The following LDLRAD4 variants were observed in gnomAD, a reference collection of about 807,000 sequenced individuals.
LDLRAD4 encodes low density lipoprotein receptor class A domain containing 4, also known as low-density lipoprotein receptor class A domain-containing protein 4.
LDLRAD4 carries 5 observed loss-of-function variants against 17.0 expected under a neutral mutation model. That is an observed-to-expected ratio of 0.29 (90% confidence interval 0.15 to 0.62). LDLRAD4 has a LOEUF of 0.62. Ranked by LOEUF, LDLRAD4 falls within the 20% of genes least tolerant of loss-of-function variation. The pLI is 0.84. For missense variants in LDLRAD4, 340 were observed against 424.7 expected (o/e 0.80, Z 1.75); for synonymous variants, 168 against 171.8 (o/e 0.98, Z 0.17).
intron 1 of LDLRAD4, among the ~76,000 whole-genome samples, chr18:13,299,820 G>A (rs995283403): frequency 6.6e-6 from 1 of 152,102 alleles, no homozygotes; most frequent in African/African-American, 2.4e-5. Context: ...TCCAGCCTGG[G>A]CGATAGAGCA....
chr18:13,504,983 C>T (rs1251566423), intron 3 of LDLRAD4, among the ~76,000 whole-genome samples: 1 of 152,120 alleles, frequency 6.6e-6, no homozygotes, highest in African/African-American at 2.4e-5. Context: ...ACCTGGAATC[C>T]AGCACTGCCA....
intron 3 of LDLRAD4, among the ~76,000 whole-genome samples, chr18:13,479,012 C>T (rs889041433): frequency 1.3e-5 from 2 of 152,272 alleles, no homozygotes; most frequent in Admixed American, 6.5e-5. Flanking sequence ...AAAGGTAATA[C>T]GGTGGAGGCA....
chr18:13,367,927 C>G lies in LDLRAD4; in HGVS notation c.-382-19414C>G, dbSNP rs2084185236. ...GTCACAGCTACTCAGGAGGCTGAGG[C>G]AGGAGTTTTGCTTGAGCCTGAGAAG... On this transcript the variant is annotated intron_variant, in intron 1 of 5. Transcript: ENST00000359446. This position sits in a 1 kb window ranked among gnomAD's most constrained non-coding sequence, Gnocchi z 4.1. Among the ~76,000 whole-genome samples the G allele has an allele frequency of 1.3e-5, 2 of 151,966 alleles. No homozygotes were observed. Among genetic ancestry groups the G allele is most frequent in the Admixed American group, 6.6e-5 (1 of 15,240 alleles).
At chr18:13,250,209 G>T (rs1282136934) in intron 1 of LDLRAD4, among the ~76,000 whole-genome samples, 1 of 152,022 alleles carries the variant, frequency 6.6e-6, no homozygotes, top group African/African-American at 2.4e-5. Context: ...ATGCTGTTTT[G>T]GTTATTATAG....
intron 1 of LDLRAD4, among the ~76,000 whole-genome samples, chr18:13,339,325 C>G (rs1220754255): frequency 4.0e-5 from 6 of 151,890 alleles, no homozygotes; most frequent in African/African-American, 1.2e-4. Context: ...AGTCTCCTGC[C>G]TCAGCCTCCC....
chr18:13,372,539 G>A (rs1394547962), intron 1 of LDLRAD4, among the ~76,000 whole-genome samples: 2 of 152,210 alleles, frequency 1.3e-5, no homozygotes, highest in Non-Finnish European at 2.9e-5. Context: ...GTTAATTGGT[G>A]GCAGCTGTAC....
chr18:13,581,642 T>A (rs2094859685), intron 3 of LDLRAD4, among the ~76,000 whole-genome samples: 1 of 152,226 alleles, frequency 6.6e-6, no homozygotes, highest in Non-Finnish European at 1.5e-5. Context: ...AATTTGAACC[T>A]GGTAATTTTA....
intron 3 of LDLRAD4, among the ~76,000 whole-genome samples, chr18:13,539,493 A>G (rs529289298): frequency 6.6e-6 from 1 of 152,346 alleles, no homozygotes; most frequent in Non-Finnish European, 1.5e-5. Flanking sequence ...ATCCTTCACT[A>G]CAGAAAGCCC....
At chr18:13,650,350 T>TTTTC in exon 6 of LDLRAD4, 2 of 399,894 alleles carry the variant, frequency 5.0e-6, no homozygotes, top group Non-Finnish European at 8.8e-6. Flanking sequence ...TCCTTCATCC[T>TTTTC]TTTCTTTCTT....
At chr18:13,275,538 C>T (rs1044735449), upstream of LDLRAD4, among the ~76,000 whole-genome samples, 1 of 152,006 alleles carries the variant, frequency 6.6e-6, no homozygotes, top group Non-Finnish European at 1.5e-5. Flanking sequence ...TACTTTGGCT[C>T]ACTTAAAAAA....
chr18:13,474,019 G>A (rs539595531), intron 3 of LDLRAD4, among the ~76,000 whole-genome samples: 8 of 152,134 alleles, frequency 5.3e-5, no homozygotes, highest in Non-Finnish European at 1.0e-4. Context: ...TGCTGTTGTC[G>A]TGGTAGTGAG....
chr18:13,650,963 T>C (rs2043220572), exon 6 of LDLRAD4: 1 of 152,264 alleles, frequency 6.6e-6, no homozygotes, highest in Non-Finnish European at 1.5e-5. Flanking sequence ...GAAAACACTT[T>C]AAAGAAAATA....
intron 1 of LDLRAD4, among the ~76,000 whole-genome samples, chr18:13,252,078 C>G (rs1167956268): frequency 6.6e-6 from 1 of 152,166 alleles, no homozygotes; most frequent in Non-Finnish European, 1.5e-5. Flanking sequence ...ATTGGAATGT[C>G]TCCTTGTATT....
chr18:13,323,651 G>A (rs146740961), intron 1 of LDLRAD4, among the ~76,000 whole-genome samples: 10 of 152,136 alleles, frequency 6.6e-5, no homozygotes, highest in Admixed American at 1.3e-4. Context: ...ACAGATGTGC[G>A]TGATGAACAA....
intron 3 of LDLRAD4, chr18:13,461,196 G>A (rs2276375): frequency 0.35 from 53,661 of 152,314 alleles, 10,223 homozygotes; most frequent in Non-Finnish European, 0.43. Flanking sequence ...GTGTCCACGC[G>A]TGCTGGGCTA....
chr18:13,266,692 G>T (rs1397834810), intron 1 of LDLRAD4, among the ~76,000 whole-genome samples: 1 of 152,258 alleles, frequency 6.6e-6, no homozygotes, highest in African/African-American at 2.4e-5. Context: ...GTGGAGGAGA[G>T]GGAACTGCTC....
exon 6 of LDLRAD4, chr18:13,652,172 T>C (rs1050343083): frequency 2.6e-5 from 4 of 152,230 alleles, no homozygotes; most frequent in African/African-American, 7.2e-5. Flanking sequence ...GAGAATGTTC[T>C]AGACTCAGAG....
At chr18:13,625,795 C>T (rs1158363633) in intron 4 of LDLRAD4, among the ~76,000 whole-genome samples, 1 of 111,422 alleles carries the variant, frequency 9.0e-6, no homozygotes, top group East Asian at 3.0e-4. Flanking sequence ...CACCCTCCTC[C>T]CCTCAGCCGG....
chr18:13,274,361 T>G (rs1351648609), upstream of LDLRAD4, among the ~76,000 whole-genome samples: 1 of 152,176 alleles, frequency 6.6e-6, no homozygotes, highest in East Asian at 1.9e-4. Context: ...ACCCCTCCAG[T>G]TCCCTGCTGG....
Sources: gnomAD v4.1 joint callset for allele counts (sites outside exome capture counted in the v4.1 genomes callset) on GRCh38, gnomAD v4.1.1 for gene constraint, Gnocchi (gnomAD v3.1) non-coding constraint, MANE v1.5 for transcripts, NCBI Gene and HGNC (gene_info 2026-07-23, HGNC 2026-07-21) for gene names.